The following CLSTN2 variants were observed in gnomAD, a reference collection of about 807,000 sequenced individuals.
The protein encoded by CLSTN2 is calsyntenin-2.
Under a neutral mutation model 101.2 loss-of-function variants are expected in CLSTN2, and 48 were observed. The observed-to-expected ratio is 0.47, with a 90% CI of 0.38 to 0.60. The LOEUF is 0.60. Ranked by LOEUF, CLSTN2 falls within the 20% of genes least tolerant of loss-of-function variation. The pLI, the probability that CLSTN2 is intolerant of heterozygous loss-of-function variation, is 0.00. For synonymous variants in CLSTN2, 481 were observed against 463.6 expected (o/e 1.04, Z -0.48); for missense variants, 1,160 against 1,238.2 (o/e 0.94, Z 0.95).
intron 1 of CLSTN2, among the ~76,000 whole-genome samples, chr3:140,155,106 TGCC>T (rs1295839981): frequency 2.0e-4 from 31 of 152,206 alleles, no homozygotes; most frequent in East Asian, 1.9e-3. Flanking sequence ...AAACGGAAAT[TGCC>T]AGGACCTGCT....
intron 1 of CLSTN2, among the ~76,000 whole-genome samples, chr3:140,066,454 C>T (rs2008301498): frequency 1.3e-5 from 2 of 152,228 alleles, no homozygotes; most frequent in South Asian, 4.1e-4. Context: ...TGAAAGAAGA[C>T]AAGTGGCTTT....
At chr3:140,164,776 G>A (rs2010107460) in intron 1 of CLSTN2, among the ~76,000 whole-genome samples, 1 of 152,184 alleles carries the variant, frequency 6.6e-6, no homozygotes, top group Non-Finnish European at 1.5e-5. Flanking sequence ...TTGCCATATA[G>A]TTCATTCCCA....
At chr3:140,115,893 G>C (rs1458259946) in intron 1 of CLSTN2, among the ~76,000 whole-genome samples, 1 of 152,210 alleles carries the variant, frequency 6.6e-6, no homozygotes, top group East Asian at 1.9e-4. Flanking sequence ...GGTGATCCCA[G>C]AGTGGGCTCC....
intron 1 of CLSTN2, among the ~76,000 whole-genome samples, chr3:140,174,889 C>T (rs1262085080): frequency 7.9e-5 from 12 of 152,118 alleles, no homozygotes; most frequent in Admixed American, 6.5e-5. Context: ...TATTGTCTCA[C>T]GTTTATGGAT....
chr3:140,511,643 G>A (rs571042471), intron 8 of CLSTN2, among the ~76,000 whole-genome samples: 23 of 146,316 alleles, frequency 1.6e-4, no homozygotes, highest in South Asian at 1.2e-3. Context: ...TCTGCCTCCC[G>A]GGTTCACGCA....
rs550352299 is a variant in CLSTN2 at position 140,508,912 on chromosome 3, C to CT, written c.1345-23402dup. 5.4e-3 allele frequency: 799 copies of CT among 148,928 alleles called. 4 individuals carry two copies. Among genetic ancestry groups the CT allele is most frequent in the Non-Finnish European group, 8.5e-3 (570 of 66,854 alleles). The allele number at this position is 148,928 out of a possible 1,614,324, so 9.2% of individuals were successfully genotyped here. ...GAGAGGGTTTTGCTTTTTTGCCCCC[C>CT]TTTTTTTTTTGAGTGGGGGCTCACA... is the stretch of plus-strand genomic sequence containing the variant. On this transcript the variant is annotated intron_variant, in intron 8 of 16. Transcript: ENST00000458420.
chr3:140,367,392 A>G (rs950515893), intron 2 of CLSTN2, among the ~76,000 whole-genome samples: 1 of 151,686 alleles, frequency 6.6e-6, no homozygotes, highest in Non-Finnish European at 1.5e-5. Flanking sequence ...GCATGCCTGT[A>G]GTCTCAGCTA....
At chr3:139,967,159 T>C (rs1935615106) in intron 1 of CLSTN2, among the ~76,000 whole-genome samples, 1 of 152,162 alleles carries the variant, frequency 6.6e-6, no homozygotes, top group African/African-American at 2.4e-5. Context: ...AGTCATGGAC[T>C]GACTTGGAAG....
At chr3:140,171,906 T>G (rs575982526) in intron 1 of CLSTN2, among the ~76,000 whole-genome samples, 1 of 128,120 alleles carries the variant, frequency 7.8e-6, no homozygotes, top group East Asian at 2.1e-4. Flanking sequence ...ATATTATATA[T>G]TATGTGTGTG....
chr3:140,387,453 T>C (rs965635176), intron 2 of CLSTN2, among the ~76,000 whole-genome samples: 12 of 152,208 alleles, frequency 7.9e-5, no homozygotes, highest in African/African-American at 2.9e-4. Flanking sequence ...CCTTTCTGCT[T>C]CCACAGGTTC....
intron 2 of CLSTN2, among the ~76,000 whole-genome samples, chr3:140,326,542 G>A (rs1034653504): frequency 2.6e-5 from 4 of 152,190 alleles, no homozygotes; most frequent in African/African-American, 7.2e-5. Context: ...TTTCCAAACT[G>A]AATTTGGAGG....
chr3:140,453,449 A>G (rs1449831311), intron 6 of CLSTN2, among the ~76,000 whole-genome samples: 1 of 152,226 alleles, frequency 6.6e-6, no homozygotes, highest in Non-Finnish European at 1.5e-5. Context: ...GCACAAATTT[A>G]TTAATTCAAC....
rs187968898 is a variant in CLSTN2 at position 140,168,347 on chromosome 3, T to C, written c.110-7604T>C. 1.7e-3 allele frequency among the ~76,000 whole-genome samples: 260 copies of C among 152,262 alleles called. 1 individual carries two copies. The highest frequency in any genetic ancestry group is 6.1e-3 in the African/African-American group (254 of 41,568). On this transcript the variant is annotated intron_variant, in intron 1 of 16. Coordinates refer to ENST00000458420, the MANE Select transcript of CLSTN2 (RefSeq NM_022131.3). ...TTATTTTAGTGACAGGTATATTCAA[T>C]TTTTGCTTTTTGAAAATCAAATTGT...
intron 2 of CLSTN2, among the ~76,000 whole-genome samples, chr3:140,347,305 G>C (rs1268947973): frequency 6.6e-6 from 1 of 152,212 alleles, no homozygotes; most frequent in African/African-American, 2.4e-5. Flanking sequence ...TGGAATCTAA[G>C]AGAGGGTTTG....
At chr3:140,256,091 A>C (rs1576486865) in intron 2 of CLSTN2, among the ~76,000 whole-genome samples, 1 of 152,188 alleles carries the variant, frequency 6.6e-6, no homozygotes, top group East Asian at 1.9e-4. Context: ...GTGTGAGATA[A>C]TAAAGCTATT....
chr3:139,937,175 G>A (rs1240662757), intron 1 of CLSTN2, among the ~76,000 whole-genome samples: 1 of 152,118 alleles, frequency 6.6e-6, no homozygotes, highest in East Asian at 1.9e-4. Flanking sequence ...TCTGCAAACG[G>A]GAGTTTGAAG....
chr3:140,282,168 T>C lies in CLSTN2; in HGVS notation c.232+106095T>C, dbSNP rs1232357238. ...ACTGCTTACATGATGTTCTGCTCAG[T>C]CCATGAGCCAGCTCTGAATGGTTTA... is the stretch of plus-strand genomic sequence containing the variant. On this transcript the variant is annotated intron_variant, in intron 2 of 16. Transcript: ENST00000458420. 2.0e-5 allele frequency among the ~76,000 whole-genome samples: 3 copies of C among 152,174 alleles called. No individual in the cohort carries two copies. The East Asian group carries it at 5.8e-4, about 29-fold the overall frequency.
intron 1 of CLSTN2, among the ~76,000 whole-genome samples, chr3:140,121,204 G>A (rs193167372): frequency 3.5e-4 from 54 of 152,242 alleles, no homozygotes; most frequent in African/African-American, 1.2e-3. Context: ...CAAGATAGAC[G>A]GGGTTCTTGA....
chr3:140,460,740 A>C (rs1248146770), intron 7 of CLSTN2, among the ~76,000 whole-genome samples: 1 of 152,222 alleles, frequency 6.6e-6, no homozygotes, highest in Non-Finnish European at 1.5e-5. Flanking sequence ...GATCTTATGC[A>C]AATTGTACAA....
Sources: allele counts gnomAD v4.1 joint callset (sites outside exome capture counted in the v4.1 genomes callset), GRCh38; gene constraint gnomAD v4.1.1; transcripts MANE v1.5; gene names NCBI Gene and HGNC (gene_info 2026-07-23, HGNC 2026-07-21).